Variants in ZNF475 observed in about 807,000 individuals in gnomAD.
The protein encoded by ZNF475 is zinc finger protein 475.
At chr5:122,167,026 G>A in the ZNF475 span, among the ~76,000 whole-genome samples, 1 of 152,154 alleles carries the variant, frequency 6.6e-6, no homozygotes, top group East Asian at 1.9e-4. Flanking sequence ...GTATTGCGTA[G>A]GTTTTCTTCC....
chr5:122,170,184 C>A, the ZNF475 span, among the ~76,000 whole-genome samples: 5 of 152,108 alleles, frequency 3.3e-5, no homozygotes, highest in African/African-American at 1.2e-4. Flanking sequence ...ACTTCTGACA[C>A]CAAATGTGTG....
chr5:122,162,062 T>G, the ZNF475 span, among the ~76,000 whole-genome samples: 2 of 152,220 alleles, frequency 1.3e-5, no homozygotes, highest in Non-Finnish European at 2.9e-5. Context: ...AATTCATTCT[T>G]TGACCTATGA....
the ZNF475 span, among the ~76,000 whole-genome samples, chr5:122,181,625 A>T: frequency 6.6e-6 from 1 of 152,234 alleles, no homozygotes; most frequent in East Asian, 1.9e-4. Context: ...CTAAGCTTTA[A>T]CGAAGTAATC....
the ZNF475 span, among the ~76,000 whole-genome samples, chr5:122,170,389 A>G: frequency 2.6e-5 from 4 of 152,336 alleles, no homozygotes; most frequent in South Asian, 8.3e-4. Context: ...TGGATTTCCC[A>G]TGATCCTCCC....
chr5:122,162,695 C>T, the ZNF475 span, among the ~76,000 whole-genome samples: 6 of 152,216 alleles, frequency 3.9e-5, no homozygotes, highest in African/African-American at 1.4e-4. Flanking sequence ...TGCAACCTCC[C>T]TACCTCTGCA....
chr5:122,166,270 C>T, the ZNF475 span, among the ~76,000 whole-genome samples: 12 of 152,196 alleles, frequency 7.9e-5, no homozygotes, highest in African/African-American at 2.2e-4. Flanking sequence ...CATATATACA[C>T]ACATACACAT....
chr5:122,169,146 C>G, the ZNF475 span, among the ~76,000 whole-genome samples: 3 of 152,224 alleles, frequency 2.0e-5, no homozygotes, highest in Non-Finnish European at 2.9e-5. Flanking sequence ...TGTTCACATA[C>G]TACAGTACTA....
At chr5:122,178,486 A>T in the ZNF475 span, among the ~76,000 whole-genome samples, 1 of 152,094 alleles carries the variant, frequency 6.6e-6, no homozygotes, top group African/African-American at 2.4e-5. Flanking sequence ...TCTAATGACC[A>T]GTGATGATGA....
chr5:122,165,854 G>A, the ZNF475 span, among the ~76,000 whole-genome samples: 8 of 152,000 alleles, frequency 5.3e-5, no homozygotes, highest in South Asian at 6.2e-4. Context: ...GGACACAGGC[G>A]TTTCATTTGC....
At chr5:122,160,605 A>G in the ZNF475 span, among the ~76,000 whole-genome samples, 1 of 152,200 alleles carries the variant, frequency 6.6e-6, no homozygotes, top group Non-Finnish European at 1.5e-5. Flanking sequence ...CTTTCTTTGC[A>G]TTGGCGCTTC....
the ZNF475 span, chr5:122,179,701 C>G: frequency 6.6e-7 from 1 of 1,523,944 alleles, no homozygotes; most frequent in Admixed American, 2.1e-5. Flanking sequence ...AGACCAGTAC[C>G]TAAAAAACCA....
At chr5:122,169,932 T>C in the ZNF475 span, among the ~76,000 whole-genome samples, 27 of 152,344 alleles carry the variant, frequency 1.8e-4, no homozygotes, top group African/African-American at 5.5e-4. Context: ...AGGATTATCT[T>C]ATGGTGGAAA....
chr5:122,161,854 A>G, the ZNF475 span, among the ~76,000 whole-genome samples: 2 of 152,208 alleles, frequency 1.3e-5, no homozygotes, highest in Non-Finnish European at 2.9e-5. Context: ...TCTTCAAGGA[A>G]AGTCATTTCA....
the ZNF475 span, chr5:122,182,496 G>A: frequency 5.5e-6 from 8 of 1,457,182 alleles, no homozygotes; most frequent in East Asian, 1.8e-4. Context: ...TCCAGCCAAA[G>A]GCTTCTATGA....
chr5:122,163,976 C>T, the ZNF475 span, among the ~76,000 whole-genome samples: 1 of 151,756 alleles, frequency 6.6e-6, no homozygotes, highest in African/African-American at 2.4e-5. Flanking sequence ...TCTAAAATAC[C>T]TCTCCTACTA....
chr5:122,173,945 G>A, the ZNF475 span, among the ~76,000 whole-genome samples: 22 of 152,164 alleles, frequency 1.4e-4, no homozygotes, highest in African/African-American at 5.1e-4. Context: ...CTAATTCTTT[G>A]CTCTTCAGCA....
the ZNF475 span, among the ~76,000 whole-genome samples, chr5:122,174,844 A>G: frequency 6.6e-6 from 1 of 152,226 alleles, no homozygotes; most frequent in African/African-American, 2.4e-5. Context: ...CTCATTTTAA[A>G]CTAAAAATCT....
the ZNF475 span, among the ~76,000 whole-genome samples, chr5:122,168,873 G>C: frequency 4.3e-5 from 5 of 115,816 alleles, no homozygotes; most frequent in Admixed American, 4.6e-4. Context: ...GACTGATGCA[G>C]CTCTCTTATA....
At chr5:122,168,428 A>G in the ZNF475 span, among the ~76,000 whole-genome samples, 3 of 152,322 alleles carry the variant, frequency 2.0e-5, no homozygotes, top group East Asian at 5.8e-4. Flanking sequence ...AAGATGGTTT[A>G]GTGTATAAAA....
Sources: gnomAD v4.1 joint callset for allele counts (sites outside exome capture counted in the v4.1 genomes callset) on GRCh38, gnomAD v4.1.1 for gene constraint, MANE v1.5 for transcripts, NCBI Gene and HGNC (gene_info 2026-07-23, HGNC 2026-07-21) for gene names.